PAX3: variants seen among roughly 807,000 people sequenced by gnomAD.
PAX3 encodes paired box protein Pax-3.
Under a neutral mutation model 51.6 loss-of-function variants are expected in PAX3, and 14 were observed. The observed-to-expected ratio is 0.27, with a 90% CI of 0.18 to 0.42. PAX3 has a LOEUF of 0.42. Among genes scored for constraint, PAX3 ranks in the 10% least tolerant of loss-of-function variants. The pLI, the probability that PAX3 is intolerant of heterozygous loss-of-function variation, is 1.00. For synonymous variants in PAX3, 280 were observed against 253.4 expected, an observed-to-expected ratio of 1.11 and a Z score of -1.00; for missense variants, 540 against 642.8, an observed-to-expected ratio of 0.84 and a Z score of 1.73.
chr2:222,291,008 C>G (rs561999127), intron 4 of PAX3, among the ~76,000 whole-genome samples: 58 of 151,754 alleles, frequency 3.8e-4, no homozygotes, highest in Non-Finnish European at 6.3e-4. Flanking sequence ...GCAATTGAGT[C>G]GGCTGCAGCC....
chr2:222,205,323 C>G (rs1306444256), intron 7 of PAX3, among the ~76,000 whole-genome samples: 1 of 152,098 alleles, frequency 6.6e-6, no homozygotes, highest in Non-Finnish European at 1.5e-5. Flanking sequence ...CCTGCAGGGT[C>G]TTCCTGTGTG....
At position 222,232,232 on chromosome 2, in the gene PAX3, A is replaced by G; in HGVS notation, c.638T>C (p.Leu213Ser). 6.2e-7 allele frequency: 1 copy of G among 1,614,050 alleles called. No homozygotes were observed. ...TCTGCGCTGTTTCCTCTTTAGTGGT[A>G]AATCTGGTTCAGAGTCAATATCAGA... ...EGSDIDSEPD[L>S]PLKRKQRRSR... is the part of the protein sequence containing the mutation. The change falls in exon 5 of 9, where the codon TTA becomes TCA. Residue 213 changes from leucine (L) to serine (S), a missense_variant. Leu to Ser is a moderately radical substitution (Grantham distance 145, BLOSUM62 -2). Transcript: ENST00000392070.
At chr2:222,204,906 T>C (rs13017777) in intron 7 of PAX3, among the ~76,000 whole-genome samples, 56,488 of 152,092 alleles carry the variant, frequency 0.37, 12,961 homozygotes, top group Non-Finnish European at 0.51. Flanking sequence ...CAGAATTTTA[T>C]TCAAAACATG....
chr2:222,259,560 T>C (rs944152752), intron 4 of PAX3, among the ~76,000 whole-genome samples: 1 of 152,236 alleles, frequency 6.6e-6, no homozygotes, highest in African/African-American at 2.4e-5. Flanking sequence ...ACACCGGTTG[T>C]GTTTAAAGAA....
chr2:222,209,492 C>T (rs374868616), intron 7 of PAX3, among the ~76,000 whole-genome samples: 17 of 151,950 alleles, frequency 1.1e-4, no homozygotes, highest in African/African-American at 3.9e-4. Flanking sequence ...TAAGAATGAA[C>T]ATACTCTTTA....
intron 2 of PAX3, 66 bp downstream of exon 2, chr2:222,296,912 G>A: frequency 7.4e-7 from 1 of 1,345,604 alleles, no homozygotes; most frequent in Non-Finnish European, 1.0e-6. Context: ...GTTACCCCCC[G>A]CCCGGTCTTC....
rs1459427217 is a variant in PAX3, at chr2:222,295,532, C to T, written c.447G>A (p.Pro149=). The T allele has an allele frequency of 1.2e-6, 2 of 1,614,120 alleles. No homozygotes were observed. Among genetic ancestry groups the T allele is most frequent in the East Asian group, 2.2e-5 (1 of 44,900 alleles). The change falls in exon 3 of 9, where the codon CCG becomes CCA. Residue 149 remains proline, a synonymous_variant. Transcript: ENST00000392070. ...KDAVCDRNTV[P]SVSSISRILR... The stretch of plus-strand genomic sequence containing the variant: ...AGAGGTTAATGGGCCTAGTACCTGA[C>T]GGCACGGTGTTTCGATCACAGACCG...
At chr2:222,232,349 C>A in intron 4 of PAX3, 66 bp from the exon 5 acceptor site, 2 of 1,372,892 alleles carry the variant, frequency 1.5e-6, no homozygotes, top group Non-Finnish European at 2.1e-6. Context: ...AGATTGAATC[C>A]AAGTTCTCTC....
intron 4 of PAX3, among the ~76,000 whole-genome samples, chr2:222,287,110 A>C (rs912055029): frequency 6.6e-6 from 1 of 152,252 alleles, no homozygotes; most frequent in Non-Finnish European, 1.5e-5. Context: ...ATTGGAGCTC[A>C]GTATTTCCCA....
intron 4 of PAX3, chr2:222,242,416 G>A (rs989263834): frequency 6.6e-6 from 1 of 152,032 alleles, no homozygotes; most frequent in East Asian, 1.9e-4. Context: ...TGTTCCCTGC[G>A]AAGTCCTTGC....
chr2:222,223,104 G>T (rs1222339572), intron 5 of PAX3, among the ~76,000 whole-genome samples: 1 of 152,160 alleles, frequency 6.6e-6, no homozygotes, highest in African/African-American at 2.4e-5. Flanking sequence ...TTTAAGAGCG[G>T]AGGAAAAGAT....
intron 4 of PAX3, among the ~76,000 whole-genome samples, chr2:222,261,601 C>CAAAA (rs61534527): frequency 9.2e-6 from 1 of 109,154 alleles, no homozygotes; most frequent in African/African-American, 3.5e-5. Context: ...ACAACAACAA[C>CAAAA]AAAAAAAAAA....
intron 7 of PAX3, among the ~76,000 whole-genome samples, chr2:222,218,916 A>G (rs1401664577): frequency 6.6e-6 from 1 of 152,188 alleles, no homozygotes; most frequent in East Asian, 1.9e-4. Context: ...TGTTTATTTC[A>G]TTGCCTTTGC....
In PAX3 at chr2:222,221,326, G is replaced by A. The variant is rs762975677; in HGVS notation, c.854C>T (p.Ala285Val). ...RKQAGANQLM[A>V]FNHLIPGGFP... ...CCCCCCGGGAATGAGATGGTTGAAA[G>A]CCATCAGTTGATTGGCCCCAGCTTG... The change falls in exon 6 of 9, where the codon GCT becomes GTT. Residue 285 changes from alanine to valine, a missense_variant. Around this residue, in one of 3 missense-constraint regions of PAX3, gnomAD observed 427 missense variants for 483.6 expected, o/e 0.88. Transcript: ENST00000392070. 1.2e-6 allele frequency: 2 copies of A among 1,613,986 alleles called. No homozygotes were observed. Among genetic ancestry groups the A allele is most frequent in the East Asian group, 2.2e-5 (1 of 44,886 alleles).
chr2:222,234,484 A>C (rs1243661114), intron 4 of PAX3, among the ~76,000 whole-genome samples: 1 of 152,204 alleles, frequency 6.6e-6, no homozygotes, highest in Non-Finnish European at 1.5e-5. Flanking sequence ...ATGTAAGCTA[A>C]ACTAAATGAG....
At chr2:222,272,002 G>A (rs756217035) in intron 4 of PAX3, among the ~76,000 whole-genome samples, 8 of 152,142 alleles carry the variant, frequency 5.3e-5, no homozygotes, top group Non-Finnish European at 1.2e-4. Flanking sequence ...CCTCTCTCCT[G>A]AAGGTTTCAC....
intron 4 of PAX3, among the ~76,000 whole-genome samples, chr2:222,232,584 T>C (rs979906972): frequency 2.6e-5 from 4 of 152,172 alleles, no homozygotes; most frequent in African/African-American, 9.7e-5. Flanking sequence ...GCAGAAATAA[T>C]TGCTCATAGC....
At chr2:222,287,005 T>G (rs186395011) in intron 4 of PAX3, among the ~76,000 whole-genome samples, 52 of 152,342 alleles carry the variant, frequency 3.4e-4, no homozygotes, top group African/African-American at 1.1e-3. Flanking sequence ...ATATACATAT[T>G]CTCTTCATTT....
chr2:222,236,768 A>C (rs1191996427), intron 4 of PAX3, among the ~76,000 whole-genome samples: 6 of 152,198 alleles, frequency 3.9e-5, no homozygotes, highest in Non-Finnish European at 8.8e-5. Context: ...ATATTAAGGG[A>C]AGATTCTAAA....
Sources: gnomAD v4.1 joint callset for allele counts (sites outside exome capture counted in the v4.1 genomes callset) on GRCh38, gnomAD v4.1.1 for gene constraint, gnomAD v4.1.1 regional missense constraint, MANE v1.5 for transcripts, NCBI Gene and HGNC (gene_info 2026-07-23, HGNC 2026-07-21) for gene names.